The following SMAD4 variants were observed in gnomAD, a reference collection of about 807,000 sequenced individuals.
The protein encoded by SMAD4 is SMAD family member 4, also known as MAD homolog 4.
Under a neutral mutation model 63.2 loss-of-function variants are expected in SMAD4, and 7 were observed. The ratio of observed to expected loss-of-function variants is 0.11; its 90% CI spans 0.06 to 0.21. The LOEUF (loss-of-function observed/expected upper bound fraction) is 0.21, where lower values mean the gene tolerates loss of function less well. Among genes scored for constraint, SMAD4 ranks in the 10% least tolerant of loss-of-function variants. The pLI is 1.00. For missense variants in SMAD4, 312 were observed against 693.8 expected (o/e 0.45, Z 6.18); for synonymous variants, 215 against 235.4 (o/e 0.91, Z 0.79).
At chr18:51,043,543 C>T (rs1909450822) in intron 1 of SMAD4, among the ~76,000 whole-genome samples, 2 of 152,096 alleles carry the variant, frequency 1.3e-5, no homozygotes, top group South Asian at 4.1e-4. Context: ...TCTCTTTATT[C>T]CTGCTAGTAT....
chr18:51,065,160 T>G (rs1910113722), intron 8 of SMAD4, among the ~76,000 whole-genome samples: 2 of 152,088 alleles, frequency 1.3e-5, no homozygotes. Context: ...CTTTTAGAAC[T>G]TGAGGATAAG....
rs1908995832 is a variant in SMAD4 at position 51,030,287 on chromosome 18, G to A, written c.-464G>A. Reference sequence around the variant, plus strand: ...GTCGTCGCCGCTGCGGTAACGGAGCGGTTTGGGTGGCGGAGCCTGCGTTCG... The same window carrying A: ...GTCGTCGCCGCTGCGGTAACGGAGCAGTTTGGGTGGCGGAGCCTGCGTTCG... On this transcript the variant is annotated 5_prime_UTR_variant, in exon 1 of 12. Coordinates refer to ENST00000342988, the MANE Select transcript of SMAD4 (RefSeq NM_005359.6). 1 of 152,808 alleles carries A rather than the reference G, an allele frequency of 6.5e-6. No homozygotes were observed. The highest frequency in any genetic ancestry group is 2.4e-5 in the African/African-American group (1 of 41,450). 9.5% of individuals were successfully genotyped at this position (152,808 alleles called of 1,614,324 possible).
chr18:51,039,373 G>A (rs1909305340), intron 1 of SMAD4, among the ~76,000 whole-genome samples: 1 of 152,132 alleles, frequency 6.6e-6, no homozygotes, highest in Non-Finnish European at 1.5e-5. Context: ...GCTATATCCA[G>A]GGTTTCAAGC....
intron 8 of SMAD4, among the ~76,000 whole-genome samples, chr18:51,061,818 G>A (rs1051384770): frequency 6.6e-6 from 1 of 152,028 alleles, no homozygotes; most frequent in African/African-American, 2.4e-5. Context: ...AATTCAAAGG[G>A]TCTTAAATTC....
chr18:51,075,000 A>G (rs1211725594), intron 10 of SMAD4, among the ~76,000 whole-genome samples: 1 of 152,182 alleles, frequency 6.6e-6, no homozygotes, highest in Non-Finnish European at 1.5e-5. Flanking sequence ...ATCTGCCACC[A>G]TGCCCCTGTC....
chr18:51,083,237 A>C lies in SMAD4; in HGVS notation c.*4770A>C, dbSNP rs1371640972. On this transcript the variant is annotated 3_prime_UTR_variant, in exon 12 of 12. Transcript: ENST00000342988. Reference sequence around the variant, plus strand: ...AAACAACACACAACAAAGCAAAACAAACCTTGGGAAACTAAGGCCATTTGT... The same window carrying C: ...AAACAACACACAACAAAGCAAAACACACCTTGGGAAACTAAGGCCATTTGT... The C allele has an allele frequency of 1.8e-5, 4 of 227,066 alleles. No homozygotes were observed. The highest frequency in any genetic ancestry group is 8.9e-5 in the African/African-American group (4 of 45,020). 14.1% of individuals were successfully genotyped at this position (227,066 alleles called of 1,614,324 possible). A position where few individuals can be genotyped will look rare whatever the true frequency, so the allele number is the denominator to read the frequency against.
intron 4 of SMAD4, chr18:51,053,342 G>A (rs900708001): frequency 6.6e-6 from 1 of 152,106 alleles, no homozygotes; most frequent in African/African-American, 2.4e-5. Flanking sequence ...TTGTTGAAGG[G>A]TGTAATATAA....
chr18:51,059,035 T>TA (rs1304146745), intron 7 of SMAD4, among the ~76,000 whole-genome samples: 1 of 152,100 alleles, frequency 6.6e-6, no homozygotes, highest in Non-Finnish European at 1.5e-5. Context: ...ACTTAGAAAA[T>TA]ATAGAAAAGT....
intron 4 of SMAD4, 128 bp downstream of exon 4, chr18:51,049,452 G>C (rs957842555): frequency 4.1e-6 from 3 of 738,832 alleles, no homozygotes; most frequent in Non-Finnish European, 7.3e-6. Context: ...TACTGCTTTG[G>C]AAATGTAGAT....
intron 1 of SMAD4, among the ~76,000 whole-genome samples, chr18:51,042,937 T>C (rs572239094): frequency 6.6e-6 from 1 of 152,230 alleles, no homozygotes; most frequent in Non-Finnish European, 1.5e-5. Context: ...AACACGTTTG[T>C]CTTGGAAGGT....
At position 51,049,329 on chromosome 18, in the gene SMAD4, G is replaced by A. The variant is rs2144407757; in HGVS notation, c.454+5G>A. 1 of 1,593,564 alleles carries A rather than the reference G, an allele frequency of 6.3e-7. No homozygotes were observed. The highest frequency in any genetic ancestry group is 2.2e-5 in the East Asian group (1 of 44,652). ...GATTAACACTGCAGAGTAATGGTAG[G>A]TAATCTGTTTCTTACTACTTTCTCT... On this transcript the variant is annotated splice_donor_5th_base_variant and intron_variant, in intron 4 of 11. Transcript: ENST00000342988.
Position 51,030,304 on chromosome 18 carries a change from C to T in SMAD4, c.-447C>T, listed in dbSNP as rs546363148. ...AACGGAGCGGTTTGGGTGGCGGAGC[C>T]TGCGTTCGCGCCTTCCCGCTCTCCT... On this transcript the variant is annotated 5_prime_UTR_variant, in exon 1 of 12. Transcript: ENST00000342988. 1 of 152,800 alleles carries T rather than the reference C, an allele frequency of 6.5e-6. No homozygotes were observed. The highest frequency in any genetic ancestry group is 2.4e-5 in the African/African-American group (1 of 41,464). 9.5% of individuals were successfully genotyped at this position (152,800 alleles called of 1,614,324 possible).
At chr18:51,061,390 ACT>A (rs1307493686) in intron 8 of SMAD4, among the ~76,000 whole-genome samples, 3 of 151,556 alleles carry the variant, frequency 2.0e-5, no homozygotes, top group African/African-American at 2.4e-5. Context: ...CCATCCTTCT[ACT>A]CTCTGTCTCT....
At chr18:51,058,988 C>G (rs1270805138) in intron 7 of SMAD4, among the ~76,000 whole-genome samples, 1 of 152,220 alleles carries the variant, frequency 6.6e-6, no homozygotes, top group Non-Finnish European at 1.5e-5. Context: ...CATTAAATCC[C>G]TTTCTTCTCA....
chr18:51,066,309 A>C (rs1599196265), intron 9 of SMAD4, among the ~76,000 whole-genome samples: 1 of 149,272 alleles, frequency 6.7e-6, no homozygotes. Context: ...GTGCCACTGC[A>C]CCCCAGCCTG....
At chr18:51,040,213 T>C (rs993365598) in intron 1 of SMAD4, among the ~76,000 whole-genome samples, 2 of 152,056 alleles carry the variant, frequency 1.3e-5, no homozygotes, top group African/African-American at 4.8e-5. Flanking sequence ...GATCATGAGG[T>C]CAGGAGATCG....
At chr18:51,066,343 CAAAAAAAA>C (rs112954430) in intron 9 of SMAD4, among the ~76,000 whole-genome samples, 1 of 65,870 alleles carries the variant, frequency 1.5e-5, no homozygotes, top group Non-Finnish European at 3.3e-5. Context: ...GACTCCATTT[CAAAAAAAA>C]AAAAAAAAAA....
chr18:51,063,141 C>T (rs752692629), intron 8 of SMAD4, among the ~76,000 whole-genome samples: 8 of 151,992 alleles, frequency 5.3e-5, no homozygotes, highest in Non-Finnish European at 1.0e-4. Context: ...CGTGATCTAC[C>T]GTGCCTGGCC....
intron 7 of SMAD4, 148 bp downstream of exon 7, chr18:51,058,604 G>T: frequency 1.5e-6 from 1 of 668,236 alleles, no homozygotes; most frequent in Non-Finnish European, 2.6e-6. Context: ...TTTGTAAACA[G>T]TATTATTTTT....
Sources: gnomAD v4.1 joint callset for allele counts (sites outside exome capture counted in the v4.1 genomes callset) on GRCh38, gnomAD v4.1.1 for gene constraint, MANE v1.5 for transcripts, NCBI Gene and HGNC (gene_info 2026-07-23, HGNC 2026-07-21) for gene names.